Variants in EDARADD observed in about 807,000 individuals in gnomAD.
The protein encoded by EDARADD is ectodysplasin-A receptor-associated adapter protein.
A neutral mutation model predicts 25.6 loss-of-function variants in EDARADD; 20 were observed. The ratio of observed to expected loss-of-function variants is 0.78; its 90% CI spans 0.55 to 1.14. EDARADD has a LOEUF of 1.14. Among genes scored for constraint, EDARADD ranks in the 50% most tolerant of loss-of-function variants. The pLI is 0.00. For missense variants in EDARADD, 225 were observed against 270.1 expected (o/e 0.83, Z 1.17); for synonymous variants, 86 against 94.4 (o/e 0.91, Z 0.52).
At position 236,403,628 on chromosome 1, in the gene EDARADD, T is replaced by A. The variant is rs191776028; in HGVS notation, c.62-5588T>A. 9.9e-5 allele frequency among the ~76,000 whole-genome samples: 15 copies of A among 152,256 alleles called. No homozygotes were observed. The East Asian group carries it at 2.9e-3, about 29-fold the overall frequency. ...TAATTGTGAACTTTCAGCTTGGAGG[T>A]GCTCTTTGACCCATGTGGATACTAC... On this transcript the variant is annotated intron_variant, in intron 1 of 5. Coordinates refer to ENST00000334232, the MANE Select transcript of EDARADD (RefSeq NM_145861.4).
intron 3 of EDARADD, among the ~76,000 whole-genome samples, chr1:236,381,850 G>A (rs1014853043): frequency 2.7e-5 from 2 of 73,794 alleles, no homozygotes; most frequent in African/African-American, 1.0e-4. Context: ...ATCTTATGTT[G>A]CTCAGGCTGG....
chr1:236,392,509 C>G (rs1469677288), upstream of EDARADD, among the ~76,000 whole-genome samples: 15 of 94,832 alleles, frequency 1.6e-4, no homozygotes, highest in African/African-American at 5.4e-4. Context: ...TTTTTTTTGT[C>G]AGAGTCTTGC....
chr1:236,375,593 T>C (rs1044760719), intron 3 of EDARADD, among the ~76,000 whole-genome samples: 6 of 134,988 alleles, frequency 4.4e-5, no homozygotes, highest in African/African-American at 1.7e-4. Context: ...GAGGTGGAGG[T>C]TGAAATTTGC....
intron 4 of EDARADD, among the ~76,000 whole-genome samples, chr1:236,437,599 C>T (rs1359468211): frequency 6.6e-6 from 1 of 152,048 alleles, no homozygotes; most frequent in Non-Finnish European, 1.5e-5. Context: ...AGAGGGGAGA[C>T]TGCAGTTCTA....
At chr1:236,474,864 A>G (rs1005440496) in intron 5 of EDARADD, among the ~76,000 whole-genome samples, 5 of 152,164 alleles carry the variant, frequency 3.3e-5, no homozygotes, top group African/African-American at 9.7e-5. Flanking sequence ...TGGGTGTGAT[A>G]GCTCACGCCT....
intron 3 of EDARADD, among the ~76,000 whole-genome samples, chr1:236,421,970 G>A (rs1430868306): frequency 1.3e-5 from 2 of 152,282 alleles, no homozygotes; most frequent in South Asian, 2.1e-4. Context: ...GGAGGGAGAG[G>A]GCCACATGGT....
At chr1:236,470,073 A>G (rs1394494223) in intron 5 of EDARADD, among the ~76,000 whole-genome samples, 1 of 152,176 alleles carries the variant, frequency 6.6e-6, no homozygotes, top group Non-Finnish European at 1.5e-5. Flanking sequence ...CTGGGATTAC[A>G]GGCATGAGCC....
intron 3 of EDARADD, among the ~76,000 whole-genome samples, chr1:236,415,042 G>A (rs1163521557): frequency 1.3e-5 from 2 of 152,064 alleles, no homozygotes; most frequent in Non-Finnish European, 2.9e-5. Flanking sequence ...GATTACTAGC[G>A]CCTCTTGCTT....
intron 4 of EDARADD, among the ~76,000 whole-genome samples, chr1:236,430,821 T>C (rs1658074073): frequency 6.6e-6 from 1 of 152,150 alleles, no homozygotes; most frequent in Non-Finnish European, 1.5e-5. Flanking sequence ...GTTCAGACAT[T>C]AAAAGCAAGC....
chr1:236,425,210 C>T (rs532749421), intron 3 of EDARADD, among the ~76,000 whole-genome samples: 60 of 152,314 alleles, frequency 3.9e-4, no homozygotes, highest in Admixed American at 3.5e-3. Context: ...CAGCTGGGTG[C>T]GCTCGCCAGG....
At chr1:236,363,007 ATATAT>A (rs1259828278) in intron 3 of EDARADD, among the ~76,000 whole-genome samples, 19 of 40,380 alleles carry the variant, frequency 4.7e-4, no homozygotes, top group Non-Finnish European at 7.1e-4. Flanking sequence ...AAAAAAAAAA[ATATAT>A]ATATATATAT....
At chr1:236,380,168 A>G (rs2102995841) in intron 3 of EDARADD, among the ~76,000 whole-genome samples, 1 of 151,238 alleles carries the variant, frequency 6.6e-6, no homozygotes, top group South Asian at 2.1e-4. Flanking sequence ...ATAAAACTTA[A>G]TAGCATAAGA....
chr1:236,433,820 A>C (rs1473666708), intron 4 of EDARADD, among the ~76,000 whole-genome samples: 1 of 151,820 alleles, frequency 6.6e-6, no homozygotes, highest in Non-Finnish European at 1.5e-5. Flanking sequence ...TGGTAAGCCG[A>C]TATCGCACCA....
At chr1:236,477,873 C>T (rs932644824) in intron 5 of EDARADD, among the ~76,000 whole-genome samples, 54 of 152,200 alleles carry the variant, frequency 3.5e-4, no homozygotes, top group African/African-American at 1.1e-3. Flanking sequence ...GAGGCTGAGG[C>T]GGGCAGATCA....
chr1:236,431,209 A>T (rs1265615025), intron 4 of EDARADD, among the ~76,000 whole-genome samples: 2 of 152,240 alleles, frequency 1.3e-5, no homozygotes, highest in Non-Finnish European at 2.9e-5. Context: ...TTATAATTTA[A>T]GACTAAAATC....
chr1:236,449,910 G>A (rs1658663712), intron 4 of EDARADD, among the ~76,000 whole-genome samples: 1 of 152,194 alleles, frequency 6.6e-6, no homozygotes, highest in Non-Finnish European at 1.5e-5. Context: ...AGACCTGCCT[G>A]GCCAACATGG....
intron 4 of EDARADD, among the ~76,000 whole-genome samples, chr1:236,441,525 A>T (rs1002996274): frequency 2.0e-5 from 3 of 146,492 alleles, no homozygotes; most frequent in Non-Finnish European, 4.5e-5. Flanking sequence ...TTTATATATT[A>T]TATATATATA....
chr1:236,482,673 C>G lies in EDARADD; in HGVS notation c.*24C>G, dbSNP rs760342049. 17 of 1,610,286 alleles carry G rather than the reference C, an allele frequency of 1.1e-5. No homozygotes were observed. In the East Asian group the frequency reaches 3.8e-4, roughly 36 times the overall value. On this transcript the variant is annotated 3_prime_UTR_variant, in exon 6 of 6. Coordinates refer to ENST00000334232, the MANE Select transcript of EDARADD (RefSeq NM_145861.4). ...AGAGCTCTTCTTCTTCCTTCATTGG[C>G]CTCTCCGGATGTTGAAACAACCACA...
intron 4 of EDARADD, among the ~76,000 whole-genome samples, chr1:236,461,574 A>G (rs565500044): frequency 3.2e-4 from 48 of 152,240 alleles, no homozygotes; most frequent in Non-Finnish European, 5.4e-4. Flanking sequence ...GAAAGCAGGT[A>G]ATGTGATTCC....
Sources: gnomAD v4.1 joint callset for allele counts (sites outside exome capture counted in the v4.1 genomes callset) on GRCh38, gnomAD v4.1.1 for gene constraint, MANE v1.5 for transcripts, NCBI Gene and HGNC (gene_info 2026-07-23, HGNC 2026-07-21) for gene names.